The following TENM2 variants were observed in gnomAD, a reference collection of about 807,000 sequenced individuals.
TENM2 encodes teneurin transmembrane protein 2, also known as teneurin-2.
TENM2 carries 52 observed loss-of-function variants against 245.2 expected under a neutral mutation model. The observed-to-expected ratio is 0.21, with a 90% confidence interval of 0.17 to 0.27. The LOEUF (loss-of-function observed/expected upper bound fraction) is 0.27, where lower values mean the gene tolerates loss of function less well. Ranked by LOEUF, TENM2 falls within the 10% of genes least tolerant of loss-of-function variation. The probability of loss-of-function intolerance (pLI) is 1.00; values close to 1 mark genes in which losing one functional copy is unlikely to be tolerated. For missense variants in TENM2, 3,046 were observed against 3,666.8 expected, an observed-to-expected ratio of 0.83 and a Z score of 4.37; for synonymous variants, 1,363 against 1,438.9, an observed-to-expected ratio of 0.95 and a Z score of 1.19.
chr5:167,424,975 A>T (rs892123237), intron 2 of TENM2, among the ~76,000 whole-genome samples: 1 of 152,212 alleles, frequency 6.6e-6, no homozygotes, highest in African/African-American at 2.4e-5. Context: ...TTATAAGTAT[A>T]TCACAAATGC....
chr5:168,083,742 A>C (rs1050549281), intron 7 of TENM2, among the ~76,000 whole-genome samples: 1 of 152,184 alleles, frequency 6.6e-6, no homozygotes, highest in South Asian at 2.1e-4. Context: ...TTTTTAAAAA[A>C]ATAATTTCAG....
intron 4 of TENM2, among the ~76,000 whole-genome samples, chr5:167,992,222 C>T (rs1478438084): frequency 1.3e-5 from 2 of 151,824 alleles, no homozygotes; most frequent in Non-Finnish European, 2.9e-5. Context: ...CACTAAAGAA[C>T]TTGTTCATGT....
intron 2 of TENM2, among the ~76,000 whole-genome samples, chr5:167,424,278 A>C (rs561861466): frequency 4.9e-4 from 74 of 152,206 alleles, no homozygotes; most frequent in African/African-American, 1.7e-3. Flanking sequence ...GCAGCCCCAG[A>C]GTACTTTAAA....
intron 2 of TENM2, among the ~76,000 whole-genome samples, chr5:167,589,051 A>T (rs1775699481): frequency 6.6e-6 from 1 of 152,006 alleles, no homozygotes. Context: ...AAATACGAAA[A>T]ATTAGCTGGG....
chr5:167,517,202 C>T (rs1189645707), intron 2 of TENM2, among the ~76,000 whole-genome samples: 5 of 152,234 alleles, frequency 3.3e-5, no homozygotes, highest in African/African-American at 1.2e-4. Flanking sequence ...TTTACATACC[C>T]GTCTCACAGA....
chr5:167,330,506 T>G (rs763432813), intron 1 of TENM2, among the ~76,000 whole-genome samples: 1 of 151,766 alleles, frequency 6.6e-6, no homozygotes, highest in Non-Finnish European at 1.5e-5. Flanking sequence ...AAAGGCAGAG[T>G]GAGAACGAGC....
chr5:168,050,138 T>A (rs1045816670), intron 6 of TENM2, among the ~76,000 whole-genome samples: 1 of 152,328 alleles, frequency 6.6e-6, no homozygotes, highest in Admixed American at 6.5e-5. Context: ...CATTGTCCAG[T>A]GAATTTTGTC....
intron 2 of TENM2, among the ~76,000 whole-genome samples, chr5:167,491,775 C>A (rs1161649645): frequency 6.6e-6 from 1 of 152,142 alleles, no homozygotes; most frequent in African/African-American, 2.4e-5. Context: ...TTCACCTGTA[C>A]ATTCATCCCT....
At chr5:167,678,375 T>C (rs545104976) in intron 2 of TENM2, among the ~76,000 whole-genome samples, 2 of 152,234 alleles carry the variant, frequency 1.3e-5, no homozygotes, top group South Asian at 2.1e-4. Context: ...AGGATTCTTA[T>C]ATACTCAATG....
chr5:167,582,698 G>C (rs1775175365), intron 2 of TENM2, among the ~76,000 whole-genome samples: 1 of 152,078 alleles, frequency 6.6e-6, no homozygotes, highest in Non-Finnish European at 1.5e-5. Context: ...CAGAAACCAA[G>C]CTGTAATTAC....
chr5:167,333,245 C>T (rs1173106051), intron 1 of TENM2, among the ~76,000 whole-genome samples: 1 of 152,136 alleles, frequency 6.6e-6, no homozygotes, highest in East Asian at 1.9e-4. Context: ...AGGGGGAACA[C>T]TCTTATTGCT....
intron 2 of TENM2, among the ~76,000 whole-genome samples, chr5:167,533,093 G>A (rs929242806): frequency 6.6e-6 from 1 of 152,102 alleles, no homozygotes; most frequent in African/African-American, 2.4e-5. Flanking sequence ...GTAGAAACTT[G>A]AAAGACCCTC....
intron 2 of TENM2, among the ~76,000 whole-genome samples, chr5:167,493,679 T>G (rs371625627): frequency 3.9e-5 from 6 of 152,088 alleles, no homozygotes; most frequent in African/African-American, 1.4e-4. Context: ...ATTTAGTCAG[T>G]GAGAAAGTAC....
intron 8 of TENM2, 90 bp from the exon 11 acceptor site, chr5:168,097,936 T>G (rs1347123934): frequency 8.2e-6 from 7 of 857,074 alleles, no homozygotes; most frequent in Non-Finnish European, 1.1e-5. Flanking sequence ...TTACTACCAC[T>G]GGTCTTTAAA....
intron 5 of TENM2, among the ~76,000 whole-genome samples, chr5:168,016,814 G>A (rs1284070100): frequency 6.6e-6 from 1 of 152,206 alleles, no homozygotes; most frequent in Admixed American, 6.5e-5. Context: ...CTCTGAAATA[G>A]TTTTGTCATC....
At chr5:168,109,351 A>G (rs1250019920) in intron 9 of TENM2, among the ~76,000 whole-genome samples, 2 of 152,242 alleles carry the variant, frequency 1.3e-5, no homozygotes, top group East Asian at 3.8e-4. Context: ...AAGATCAACT[A>G]CATGCTGGGC....
rs562043515 is a variant in TENM2 at position 168,069,742 on chromosome 5, C to T, written c.1515+7477C>T. On this transcript the variant is annotated intron_variant, in intron 7 of 28. Transcript: ENST00000518659. The stretch of plus-strand genomic sequence containing the variant: ...ATCTTCTTTCTCTCTGGTGCTCAGT[C>T]ATTTCTAGGAGCATCTACAGTACAA... Among the ~76,000 whole-genome samples the T allele has an allele frequency of 1.1e-3, 165 of 152,244 alleles. 1 individual carries two copies. Among genetic ancestry groups the T allele is most frequent in the African/African-American group, 3.8e-3 (156 of 41,544 alleles).
At chr5:167,534,132 T>C (rs1438407650) in intron 2 of TENM2, among the ~76,000 whole-genome samples, 1 of 152,176 alleles carries the variant, frequency 6.6e-6, no homozygotes, top group African/African-American at 2.4e-5. Flanking sequence ...AATGTGTTGA[T>C]AAAACCCAAA....
chr5:168,218,117 A>G lies in TENM2; in HGVS notation c.4234-8A>G, dbSNP rs1763360749. On this transcript the variant is annotated splice_polypyrimidine_tract_variant and splice_region_variant and intron_variant, in intron 22 of 28. Coordinates refer to ENST00000518659, the Ensembl canonical transcript of TENM2. This position sits in a 1 kb window ranked among gnomAD's most constrained non-coding sequence, Gnocchi z 5.2. ...CTGTTCTTTAATCTGATACCACGTCATCCACAGGTTCGTCTGGAGTGGCCA... is the reference window on the plus strand; with the variant it reads ...CTGTTCTTTAATCTGATACCACGTCGTCCACAGGTTCGTCTGGAGTGGCCA... 8.1e-6 allele frequency: 13 copies of G among 1,609,156 alleles called. No homozygotes were observed. The highest frequency in any genetic ancestry group is 1.1e-5 in the Non-Finnish European group (13 of 1,176,168).
Sources: allele counts gnomAD v4.1 joint callset (sites outside exome capture counted in the v4.1 genomes callset), GRCh38; gene constraint gnomAD v4.1.1; non-coding constraint Gnocchi (gnomAD v3.1); transcripts MANE v1.5; gene names NCBI Gene and HGNC (gene_info 2026-07-23, HGNC 2026-07-21).